EFCAB3: variants seen among roughly 807,000 people sequenced by gnomAD.
EFCAB3 encodes the protein EF-hand calcium binding domain 3.
EFCAB3 carries 36 observed loss-of-function variants against 42.2 expected under a neutral mutation model. The ratio of observed to expected loss-of-function variants is 0.85; its 90% CI spans 0.65 to 1.13. The LOEUF is 1.13. Ranked by LOEUF, EFCAB3 falls within the 50% of genes most tolerant of loss-of-function variation. EFCAB3 has a pLI of 0.00. For missense variants in EFCAB3, 418 were observed against 505.1 expected, an observed-to-expected ratio of 0.83 and a Z score of 1.65; for synonymous variants, 170 against 172.8, an observed-to-expected ratio of 0.98 and a Z score of 0.13.
chr17:62,413,060 T>C (rs2070513472), intron 8 of EFCAB3, among the ~76,000 whole-genome samples: 1 of 152,076 alleles, frequency 6.6e-6, no homozygotes, highest in African/African-American at 2.4e-5. Flanking sequence ...TTAAACATAC[T>C]GAAATAAACT....
intron 5 of EFCAB3, among the ~76,000 whole-genome samples, chr17:62,394,054 A>T (rs534291664): frequency 6.6e-6 from 1 of 151,626 alleles, no homozygotes; most frequent in Non-Finnish European, 1.5e-5. Flanking sequence ...CCCCAGGTTC[A>T]TGCCATTCTC....
At chr17:62,378,180 T>C (rs1359745205), upstream of EFCAB3, among the ~76,000 whole-genome samples, 1 of 152,254 alleles carries the variant, frequency 6.6e-6, no homozygotes, top group Non-Finnish European at 1.5e-5. Context: ...TCCAACTTTC[T>C]TTCTAAGTTC....
chr17:62,376,577 C>T (rs921518656), upstream of EFCAB3, among the ~76,000 whole-genome samples: 1 of 152,184 alleles, frequency 6.6e-6, no homozygotes, highest in Non-Finnish European at 1.5e-5. Flanking sequence ...TAAGTCTTCA[C>T]ACTCAAATTT....
At chr17:62,381,930 C>T (rs2070205252) in intron 1 of EFCAB3, 1 of 322,370 alleles carries the variant, frequency 3.1e-6, no homozygotes, top group Non-Finnish European at 6.4e-6. Context: ...TGGTTCCACC[C>T]CCGCTGCAGC....
At chr17:62,402,044 T>C (rs1391695654) in intron 6 of EFCAB3, among the ~76,000 whole-genome samples, 1 of 152,218 alleles carries the variant, frequency 6.6e-6, no homozygotes, top group Non-Finnish European at 1.5e-5. Flanking sequence ...TTATTCTCTT[T>C]GAAGCAATTG....
intron 9 of EFCAB3, among the ~76,000 whole-genome samples, chr17:62,415,377 C>A (rs2070537747): frequency 6.6e-6 from 1 of 152,206 alleles, no homozygotes; most frequent in Admixed American, 6.5e-5. Context: ...TGGGTCACTA[C>A]AGCATGATTT....
At chr17:62,370,813 C>T (rs766553115) in intron 1 of EFCAB3, among the ~76,000 whole-genome samples, 7 of 151,914 alleles carry the variant, frequency 4.6e-5, no homozygotes, top group Non-Finnish European at 7.4e-5. Context: ...GGGGGCCAGA[C>T]GTGGTGGCTC....
intron 3 of EFCAB3, among the ~76,000 whole-genome samples, chr17:62,390,953 CTATT>C (rs551601960): frequency 4.2e-4 from 64 of 152,298 alleles, no homozygotes; most frequent in South Asian, 3.7e-3. Context: ...AGTGCCTTGA[CTATT>C]TCTTTGAAAA....
chr17:62,379,838 T>C (rs1022102030), upstream of EFCAB3, among the ~76,000 whole-genome samples: 11 of 152,200 alleles, frequency 7.2e-5, no homozygotes, highest in Non-Finnish European at 8.8e-5. Flanking sequence ...CTGTAATTGT[T>C]CTTTTGAAAG....
intron 2 of EFCAB3, among the ~76,000 whole-genome samples, chr17:62,385,716 CTTTTT>C (rs35067521): frequency 1.3e-5 from 1 of 77,550 alleles, no homozygotes; most frequent in Non-Finnish European, 2.6e-5. Context: ...TCTAGTTTTA[CTTTTT>C]TTTTTTTTTT....
chr17:62,398,261 C>T (rs1181087043), intron 6 of EFCAB3: 1 of 160,596 alleles, frequency 6.2e-6, no homozygotes, highest in African/African-American at 2.5e-5. Context: ...CGAGACCAGC[C>T]TGGCCAACAT....
chr17:62,414,583 TTG>T (rs4058759), intron 9 of EFCAB3, among the ~76,000 whole-genome samples: 122,783 of 148,714 alleles, frequency 0.83, 52,230 homozygotes, highest in South Asian at 0.93. Context: ...TTTGTTTGTT[TTG>T]TGTGTGTGTG....
At chr17:62,404,483 C>T (rs2070431615) in intron 6 of EFCAB3, among the ~76,000 whole-genome samples, 3 of 151,990 alleles carry the variant, frequency 2.0e-5, no homozygotes, top group Non-Finnish European at 4.4e-5. Context: ...GACCGTGAGA[C>T]TCTGTCTCTA....
intron 1 of EFCAB3, among the ~76,000 whole-genome samples, chr17:62,371,658 T>G (rs1199892623): frequency 2.0e-5 from 3 of 152,118 alleles, no homozygotes; most frequent in East Asian, 1.9e-4. Context: ...GATTCCAGCC[T>G]GAAAAATAAG....
chr17:62,381,002 T>A (rs1443375341), intron 1 of EFCAB3, among the ~76,000 whole-genome samples: 2 of 152,160 alleles, frequency 1.3e-5, no homozygotes, highest in Non-Finnish European at 2.9e-5. Context: ...TCTACATTTT[T>A]TTATTATTAT....
At chr17:62,388,748 A>G (rs1366546494) in intron 3 of EFCAB3, among the ~76,000 whole-genome samples, 1 of 152,212 alleles carries the variant, frequency 6.6e-6, no homozygotes, top group East Asian at 1.9e-4. Context: ...TGTTCATTCT[A>G]TAATCAATCA....
chr17:62,396,244 A>G (rs1431568391), intron 6 of EFCAB3, among the ~76,000 whole-genome samples: 1 of 152,192 alleles, frequency 6.6e-6, no homozygotes, highest in African/African-American at 2.4e-5. Flanking sequence ...GACTAAGCAT[A>G]CACATATTAT....
At chr17:62,382,910 T>C in intron 1 of EFCAB3, 53 bp from the exon 2 acceptor site, 1 of 1,512,812 alleles carries the variant, frequency 6.6e-7, no homozygotes, top group East Asian at 2.4e-5. Flanking sequence ...TGCAAAAGAA[T>C]ATAAAGAATG....
At chr17:62,378,444 T>A (rs1026908785), upstream of EFCAB3, among the ~76,000 whole-genome samples, 7 of 152,140 alleles carry the variant, frequency 4.6e-5, no homozygotes, top group Admixed American at 1.3e-4. Context: ...ACACCTGTAA[T>A]CCTAGAGCCT....
Sources: allele counts gnomAD v4.1 joint callset (sites outside exome capture counted in the v4.1 genomes callset), GRCh38; gene constraint gnomAD v4.1.1; transcripts MANE v1.5; gene names NCBI Gene and HGNC (gene_info 2026-07-23, HGNC 2026-07-21).